Variants in GHR observed in about 807,000 individuals in gnomAD.
The protein encoded by GHR is growth hormone receptor.
In GHR, 35 loss-of-function variants were observed where a neutral mutation model predicts 67.1. The ratio of observed to expected loss-of-function variants is 0.52; its 90% CI spans 0.40 to 0.69. The LOEUF is 0.69. GHR is among the 30% of genes least tolerant of loss of function. The probability of loss-of-function intolerance (pLI) is 0.00; values close to 1 mark genes in which losing one functional copy is unlikely to be tolerated. For missense variants in GHR, 792 were observed against 764.6 expected (o/e 1.04, Z -0.42); for synonymous variants, 272 against 269.1 (o/e 1.01, Z -0.10).
intron 1 of GHR, among the ~76,000 whole-genome samples, chr5:42,485,268 A>C (rs1441731702): frequency 1.3e-5 from 2 of 152,056 alleles, no homozygotes; most frequent in African/African-American, 4.8e-5. Flanking sequence ...CCATCCGGTA[A>C]ATTTTCTCTC....
Position 42,464,972 on chromosome 5 carries a change from G to A in GHR, c.-12+41017G>A, listed in dbSNP as rs138914621. Among the ~76,000 whole-genome samples the A allele has an allele frequency of 3.4e-3, 515 of 152,276 alleles. 8 individuals carry two copies. The highest frequency in any genetic ancestry group is 0.012 in the African/African-American group (486 of 41,554). ...GGGCAAATCATGAAGAAATAAAAAA[G>A]GAAGAGATTCTCTTTTGAGAAAAAG... On this transcript the variant is annotated intron_variant, in intron 1 of 9. Transcript: ENST00000230882.
chr5:42,516,982 GA>G (rs1747265874), intron 1 of GHR, among the ~76,000 whole-genome samples: 1 of 151,406 alleles, frequency 6.6e-6, no homozygotes, highest in Admixed American at 6.6e-5. Flanking sequence ...TTTAGGGGGA[GA>G]AAAAACTTAA....
chr5:42,567,658 A>G (rs1339387278), intron 2 of GHR, among the ~76,000 whole-genome samples: 2 of 151,796 alleles, frequency 1.3e-5, no homozygotes, highest in East Asian at 3.9e-4. Context: ...GAATATGTGC[A>G]TATTCCAGAA....
At chr5:42,471,633 C>T (rs1745015289) in intron 1 of GHR, among the ~76,000 whole-genome samples, 1 of 152,172 alleles carries the variant, frequency 6.6e-6, no homozygotes, top group Admixed American at 6.5e-5. Context: ...TTTCCTGTGC[C>T]TCAGTCTGGT....
intron 3 of GHR, among the ~76,000 whole-genome samples, chr5:42,661,502 C>T: frequency 6.6e-6 from 1 of 152,152 alleles, no homozygotes; most frequent in Admixed American, 6.5e-5. Flanking sequence ...TCCAGCCAAA[C>T]TAAGCTTCAT....
intron 1 of GHR, among the ~76,000 whole-genome samples, chr5:42,550,312 C>T (rs191935217): frequency 1.3e-5 from 2 of 152,260 alleles, no homozygotes; most frequent in Admixed American, 1.3e-4. Context: ...TTGTAAAATG[C>T]AACCTTTAGA....
chr5:42,590,008 G>T (rs1177445318), intron 2 of GHR, among the ~76,000 whole-genome samples: 1 of 152,158 alleles, frequency 6.6e-6, no homozygotes, highest in African/African-American at 2.4e-5. Context: ...GTGGAGAAAG[G>T]CAACATTAGC....
chr5:42,537,616 A>G (rs1748318085), intron 1 of GHR, among the ~76,000 whole-genome samples: 1 of 152,178 alleles, frequency 6.6e-6, no homozygotes, highest in South Asian at 2.1e-4. Flanking sequence ...GCACTGTTGA[A>G]TAGAATGTGT....
intron 6 of GHR, among the ~76,000 whole-genome samples, chr5:42,704,646 A>AAGCTTCCG (rs1758089595): frequency 6.6e-6 from 1 of 151,998 alleles, no homozygotes; most frequent in Non-Finnish European, 1.5e-5. Flanking sequence ...TGAAGCTTCC[A>AAGCTTCCG]GTGAAACTGT....
intron 1 of GHR, among the ~76,000 whole-genome samples, chr5:42,523,474 A>G (rs1412498968): frequency 6.6e-6 from 1 of 151,910 alleles, no homozygotes; most frequent in Non-Finnish European, 1.5e-5. Context: ...TTATTATTAT[A>G]TCTGTTTTGG....
At chr5:42,608,560 T>G (rs1752739323) in intron 2 of GHR, among the ~76,000 whole-genome samples, 1 of 152,154 alleles carries the variant, frequency 6.6e-6, no homozygotes, top group Non-Finnish European at 1.5e-5. Context: ...ACATACACAC[T>G]GGTCAAAATG....
chr5:42,587,187 A>C (rs1165926893), intron 2 of GHR, among the ~76,000 whole-genome samples: 1 of 152,206 alleles, frequency 6.6e-6, no homozygotes, highest in Non-Finnish European at 1.5e-5. Flanking sequence ...AGTGAACAAA[A>C]ACAAAGCAAA....
chr5:42,440,431 G>A (rs1743515017), intron 1 of GHR, among the ~76,000 whole-genome samples: 1 of 152,148 alleles, frequency 6.6e-6, no homozygotes, highest in South Asian at 2.1e-4. Flanking sequence ...TAGTACTTCT[G>A]AGAACTAAAA....
intron 2 of GHR, among the ~76,000 whole-genome samples, chr5:42,612,402 A>C (rs913207754): frequency 6.6e-6 from 1 of 152,076 alleles, no homozygotes; most frequent in Admixed American, 6.6e-5. Context: ...TTAGGAAGAA[A>C]ATCTGGCTGA....
intron 1 of GHR, among the ~76,000 whole-genome samples, chr5:42,445,680 G>A (rs1485065840): frequency 6.6e-6 from 1 of 152,160 alleles, no homozygotes; most frequent in Admixed American, 6.5e-5. Flanking sequence ...ACTGCCTACA[G>A]TACCATCTTC....
intron 2 of GHR, among the ~76,000 whole-genome samples, chr5:42,576,099 T>TAAAATAAAATAAAATAAAGTAAATA (rs11400007): frequency 1.4e-5 from 1 of 69,236 alleles, no homozygotes; most frequent in Non-Finnish European, 2.8e-5. Context: ...TAAAATAAAA[T>TAAAATAAAATAAAATAAAGTAAATA]AAATAAAATA....
chr5:42,457,306 C>G (rs1244858580), intron 1 of GHR, among the ~76,000 whole-genome samples: 1 of 152,100 alleles, frequency 6.6e-6, no homozygotes, highest in East Asian at 1.9e-4. Context: ...TCTGTAGGAC[C>G]TCTTACCCAA....
rs80268074 is a variant in GHR, at chr5:42,684,500, A to G, written c.137-4390A>G. Among the ~76,000 whole-genome samples, 314 of 152,360 alleles carry G rather than the reference A, an allele frequency of 2.1e-3. 1 individual carries two copies. The highest frequency in any genetic ancestry group is 7.3e-3 in the African/African-American group (304 of 41,582). On this transcript the variant is annotated intron_variant, in intron 3 of 9. Coordinates refer to ENST00000230882, the MANE Select transcript of GHR (RefSeq NM_000163.5). ...AAATAGTGTTTGTTTTCAGTGCTTC[A>G]ACTAATAGTAAAAAGGAATATTTTC... is the stretch of plus-strand genomic sequence containing the variant.
intron 3 of GHR, among the ~76,000 whole-genome samples, chr5:42,645,906 C>T (rs1193053761): frequency 6.6e-6 from 1 of 152,202 alleles, no homozygotes; most frequent in African/African-American, 2.4e-5. Flanking sequence ...TCATTTGCAC[C>T]ATATGCATCT....
Sources: gnomAD v4.1 joint callset for allele counts (sites outside exome capture counted in the v4.1 genomes callset) on GRCh38, gnomAD v4.1.1 for gene constraint, MANE v1.5 for transcripts, NCBI Gene and HGNC (gene_info 2026-07-23, HGNC 2026-07-21) for gene names.